The following SUN3 variants were observed in gnomAD, a reference collection of about 807,000 sequenced individuals.
The protein encoded by SUN3 is Sad1 and UNC84 domain containing 3, also known as SUN domain-containing protein 3.
SUN3 carries 36 observed loss-of-function variants against 48.2 expected under a neutral mutation model. The observed-to-expected ratio is 0.75, with a 90% confidence interval of 0.57 to 0.99. The LOEUF is 0.99. SUN3 is among the 50% of genes least tolerant of loss of function. The pLI, the probability that SUN3 is intolerant of heterozygous loss-of-function variation, is 0.00. For missense variants in SUN3, 419 were observed against 433.1 expected (o/e 0.97, Z 0.29); for synonymous variants, 148 against 147.9 (o/e 1.00, Z 0.00).
intron 8 of SUN3, among the ~76,000 whole-genome samples, chr7:47,989,701 C>T (rs1415995369): frequency 6.6e-6 from 1 of 152,134 alleles, no homozygotes; most frequent in Non-Finnish European, 1.5e-5. Context: ...AGAGATCAGA[C>T]TGTTACTGTC....
the SUN3 span, chr7:48,035,506 A>G: frequency 2.9e-6 from 2 of 697,224 alleles, no homozygotes; most frequent in Admixed American, 4.0e-5. This position sits in a 1 kb window ranked among gnomAD's most constrained non-coding sequence, Gnocchi z 4.0. Flanking sequence ...TGCCCTGGCG[A>G]CGCCGATGTT....
intron 3 of SUN3, 56 bp from the exon 4 acceptor site, chr7:48,009,131 C>CTTT (rs200025227): frequency 5.1e-5 from 72 of 1,398,664 alleles, no homozygotes; most frequent in Non-Finnish European, 6.7e-5. Context: ...CAAATAGAGT[C>CTTT]TTTTTTTTTT....
chr7:48,012,695 T>C (rs956650063), intron 3 of SUN3, among the ~76,000 whole-genome samples: 1 of 152,208 alleles, frequency 6.6e-6, no homozygotes, highest in Non-Finnish European at 1.5e-5. Flanking sequence ...TTTGAAGTCA[T>C]TGGTCTTGAA....
chr7:47,996,947 G>A (rs969982937), intron 6 of SUN3, among the ~76,000 whole-genome samples: 5 of 151,854 alleles, frequency 3.3e-5, no homozygotes, highest in Middle Eastern at 3.4e-3. Context: ...GACTACAGGC[G>A]CCCGCCACCA....
At chr7:48,007,572 C>G (rs1789565011) in intron 4 of SUN3, among the ~76,000 whole-genome samples, 1 of 152,134 alleles carries the variant, frequency 6.6e-6, no homozygotes. Context: ...CTGCATGGGG[C>G]AGGCAAGGCT....
At position 48,019,378 on chromosome 7, in the gene SUN3, A is replaced by G. The variant is rs947901647; in HGVS notation, c.185-2013T>C. Reference sequence around the variant, plus strand: ...CATCCTATAAATGATGTAATGATGTACCTTAAAGAAATAGAAAAGCAAGAG... The same window carrying G: ...CATCCTATAAATGATGTAATGATGTGCCTTAAAGAAATAGAAAAGCAAGAG... On this transcript the variant is annotated intron_variant, in intron 2 of 9. Transcript: ENST00000297325. 1.1e-4 allele frequency among the ~76,000 whole-genome samples: 16 copies of G among 152,282 alleles called. 1 individual carries two copies. The highest frequency in any genetic ancestry group is 6.8e-3 in the Middle Eastern group (2 of 294).
chr7:47,995,020 A>G (rs111551098), intron 7 of SUN3, among the ~76,000 whole-genome samples: 3 of 142,636 alleles, frequency 2.1e-5, no homozygotes, highest in South Asian at 2.3e-4. Flanking sequence ...TGGTCATGGC[A>G]ATGGTATCAC....
At chr7:48,028,490 A>G (rs1372593231) in intron 1 of SUN3, among the ~76,000 whole-genome samples, 1 of 149,138 alleles carries the variant, frequency 6.7e-6, no homozygotes, top group Admixed American at 6.7e-5. Flanking sequence ...AAAAAAAAAA[A>G]AAAAAAAAAA....
At chr7:47,989,447 C>A (rs1170204085) in intron 8 of SUN3, among the ~76,000 whole-genome samples, 1 of 152,116 alleles carries the variant, frequency 6.6e-6, no homozygotes, top group Non-Finnish European at 1.5e-5. Context: ...GCTTTTTGTT[C>A]TTCTCTACCC....
At chr7:48,011,698 T>C (rs990621268) in intron 3 of SUN3, among the ~76,000 whole-genome samples, 2 of 152,228 alleles carry the variant, frequency 1.3e-5, no homozygotes, top group Admixed American at 1.3e-4. Context: ...TATTTCACAA[T>C]TTTAAAAACA....
chr7:48,019,937 G>T (rs1789918779), intron 2 of SUN3, among the ~76,000 whole-genome samples: 1 of 133,410 alleles, frequency 7.5e-6, no homozygotes, highest in Non-Finnish European at 1.5e-5. Context: ...ATTCTACAAG[G>T]CCAGTATTAC....
intron 6 of SUN3, 64 bp downstream of exon 6, chr7:48,005,905 T>A: frequency 9.6e-7 from 1 of 1,040,570 alleles, no homozygotes; most frequent in Non-Finnish European, 1.4e-6. Flanking sequence ...ATGTAGAGAA[T>A]AGGGACATTC....
chr7:48,035,710 C>T, the SUN3 span: 12 of 587,928 alleles, frequency 2.0e-5, no homozygotes, highest in Non-Finnish European at 3.6e-5. This position sits in a 1 kb window ranked among gnomAD's most constrained non-coding sequence, Gnocchi z 4.0. Flanking sequence ...GCTCGCAGTG[C>T]GGGCAGTGCG....
rs1790207111 is a variant in SUN3 at position 48,028,809 on chromosome 7, T to C, written c.122+8A>G. The C allele has an allele frequency of 6.2e-7, 1 of 1,613,510 alleles. No homozygotes were observed. Among genetic ancestry groups the C allele is most frequent in the Non-Finnish European group, 8.5e-7 (1 of 1,179,582 alleles). On this transcript the variant is annotated splice_region_variant and intron_variant, in intron 1 of 9. Transcript: ENST00000297325. ...TTTCAGGCACACCGTTCTGCCATGTTTACCTACCCATTCGCATCAGGATTT... is the reference window on the plus strand; with the variant it reads ...TTTCAGGCACACCGTTCTGCCATGTCTACCTACCCATTCGCATCAGGATTT...
intron 5 of SUN3, among the ~76,000 whole-genome samples, chr7:48,006,359 T>C (rs1321600953): frequency 7.2e-5 from 11 of 152,164 alleles, no homozygotes; most frequent in Admixed American, 7.2e-4. Flanking sequence ...CACAGTGCTC[T>C]CCCGGTGAGG....
intron 3 of SUN3, among the ~76,000 whole-genome samples, chr7:48,012,616 G>C (rs2128778987): frequency 6.6e-6 from 1 of 152,112 alleles, no homozygotes; most frequent in South Asian, 2.1e-4. Context: ...CTGTGCCCTG[G>C]GTAAATAACT....
At chr7:48,002,315 C>T (rs1175541255) in intron 6 of SUN3, among the ~76,000 whole-genome samples, 3 of 144,434 alleles carry the variant, frequency 2.1e-5, no homozygotes, top group Non-Finnish European at 4.4e-5. Flanking sequence ...GCCCGCACCA[C>T]GCCCGGCTAA....
chr7:48,034,094 TC>T (rs1301041739), upstream of SUN3, among the ~76,000 whole-genome samples: 1 of 152,114 alleles, frequency 6.6e-6, no homozygotes, highest in Non-Finnish European at 1.5e-5. Flanking sequence ...GACCATACAA[TC>T]CCGTAGCTAG....
chr7:48,029,824 C>T (rs1318622476), upstream of SUN3, among the ~76,000 whole-genome samples: 1 of 152,176 alleles, frequency 6.6e-6, no homozygotes, highest in African/African-American at 2.4e-5. Flanking sequence ...GATACTACTC[C>T]ATGGCCTTGT....
Sources: gnomAD v4.1 joint callset for allele counts (sites outside exome capture counted in the v4.1 genomes callset) on GRCh38, gnomAD v4.1.1 for gene constraint, Gnocchi (gnomAD v3.1) non-coding constraint, MANE v1.5 for transcripts, NCBI Gene and HGNC (gene_info 2026-07-23, HGNC 2026-07-21) for gene names.